The following ZFC3H1 variants were observed in gnomAD, a reference collection of about 807,000 sequenced individuals.
ZFC3H1 encodes the protein zinc finger C3H1 domain-containing protein.
In ZFC3H1, 71 loss-of-function variants were observed where a neutral mutation model predicts 243.7. The observed-to-expected ratio is 0.29, with a 90% CI of 0.24 to 0.36. The LOEUF is 0.36. ZFC3H1 is among the 10% of genes least tolerant of loss of function. The probability of loss-of-function intolerance (pLI) is 1.00; values close to 1 mark genes in which losing one functional copy is unlikely to be tolerated. For missense variants in ZFC3H1, 1,966 were observed against 2,317.1 expected (o/e 0.85, Z 3.11); for synonymous variants, 838 against 813.0 (o/e 1.03, Z -0.52).
intron 4 of ZFC3H1, 99 bp from the exon 5 acceptor site, chr12:71,644,417 T>C (rs2137548257): frequency 3.2e-6 from 4 of 1,250,634 alleles, no homozygotes; most frequent in African/African-American, 1.5e-5. Flanking sequence ...TCAGTGATGA[T>C]GCTCCTAAGT....
At position 71,663,502 on chromosome 12, in the gene ZFC3H1, G is replaced by A; in HGVS notation, c.109C>T (p.Arg37Trp). ...CTGCTGCTGCTGCTGCTCCGACTCC[G>A]TATCTGGCTGTTATTATCGTCGTCA... is the stretch of plus-strand genomic sequence containing the variant. ...ISDDDNNSQI[R>W]SRSSSSSSGG... The change falls in exon 1 of 35, where the codon CGG (arginine) becomes TGG (tryptophan). Residue 37 changes from arginine to tryptophan, a missense_variant. Physicochemically the swap from Arg to Trp is moderately radical, Grantham distance 101. This residue lies in a region of ZFC3H1 where 484 missense variants were observed against 449.7 expected (regional missense o/e 1.08). Transcript: ENST00000378743. 1.2e-6 allele frequency: 2 copies of A among 1,613,486 alleles called. No individual in the cohort carries two copies. The highest frequency in any genetic ancestry group is 1.7e-6 in the Non-Finnish European group (2 of 1,180,048).
At chr12:71,619,792 C>T in intron 26 of ZFC3H1, 134 bp downstream of exon 26, 3 of 757,666 alleles carry the variant, frequency 4.0e-6, no homozygotes, top group South Asian at 1.9e-5. Context: ...GTACTAAGTG[C>T]TATGGCAAAG....
chr12:71,656,739 A>G (rs1199190546), intron 2 of ZFC3H1, 146 bp downstream of exon 2: 1 of 817,696 alleles, frequency 1.2e-6, no homozygotes, highest in Non-Finnish European at 1.8e-6. Flanking sequence ...ATTAGTAATT[A>G]TTCAATGATA....
At chr12:71,657,365 CTTAGA>C (rs933467869) in intron 1 of ZFC3H1, 64 bp from the exon 2 acceptor site, 33 of 1,189,414 alleles carry the variant, frequency 2.8e-5, no homozygotes, top group Non-Finnish European at 3.3e-5. Context: ...AACAAAAAAA[CTTAGA>C]TTATAGATGA....
chr12:71,631,654 G>GT (rs1880326107), intron 16 of ZFC3H1, 124 bp downstream of exon 16: 1 of 802,336 alleles, frequency 1.2e-6, no homozygotes, highest in Non-Finnish European at 1.9e-6. Context: ...CCTTAAAAGG[G>GT]TAAGTCTGGT....
intron 21 of ZFC3H1, 73 bp from the exon 22 acceptor site, chr12:71,626,519 G>T: frequency 3.1e-6 from 4 of 1,285,626 alleles, no homozygotes; most frequent in South Asian, 1.9e-5. Context: ...CTAATCCAAT[G>T]AGTCAATTTT....
chr12:71,613,342 C>T lies in ZFC3H1; in HGVS notation c.5620G>A (p.Ala1874Thr). The T allele has an allele frequency of 6.2e-7, 1 of 1,608,150 alleles. No individual in the cohort carries two copies. Reference sequence around the variant, plus strand: ...ATGTTAAGTTTTTCTTACCTCAATGCAAGTCCAGAATTAGCTGGCATAACT... The same window carrying T: ...ATGTTAAGTTTTTCTTACCTCAATGTAAGTCCAGAATTAGCTGGCATAACT... The part of the protein sequence containing the change: ...CSVMPANSGL[A>T]LRLLQHEWEE... Residue 1874 changes from alanine (A) to threonine (T), a missense_variant, in exon 31 of 35, where the codon GCA (alanine) becomes ACA (threonine). Physicochemically the swap from Ala to Thr is moderately conservative, Grantham distance 58. Transcript: ENST00000378743.
chr12:71,657,494 TTTAG>T (rs1881050869), intron 1 of ZFC3H1, among the ~76,000 whole-genome samples, 193 bp from the exon 2 acceptor site: 1 of 152,238 alleles, frequency 6.6e-6, no homozygotes, highest in African/African-American at 2.4e-5. Flanking sequence ...CATATTTGAA[TTTAG>T]TAAGTACCAT....
rs553617137 is a variant in ZFC3H1, at chr12:71,661,160, G to A, written c.598+1853C>T. Among the ~76,000 whole-genome samples, 18 of 151,790 alleles carry A rather than the reference G, an allele frequency of 1.2e-4. No individual in the cohort carries two copies. In the South Asian group the frequency reaches 2.3e-3, roughly 19 times the overall value. ...CTACTAAAAATATAAAAAATTAGCC[G>A]GGCGTGGTGGCGGGCGCCTGTAGTC... On this transcript the variant is annotated intron_variant, in intron 1 of 34. Coordinates refer to ENST00000378743, the MANE Select transcript of ZFC3H1 (RefSeq NM_144982.5).
chr12:71,644,792 T>C, intron 4 of ZFC3H1, 85 bp downstream of exon 4: 1 of 1,476,722 alleles, frequency 6.8e-7, no homozygotes, highest in Non-Finnish European at 9.1e-7. Context: ...TACTCCAGCC[T>C]GGGCGACAAG....
chr12:71,642,664 G>A (rs1880628927), intron 5 of ZFC3H1, 105 bp from the exon 6 acceptor site: 1 of 1,350,398 alleles, frequency 7.4e-7, no homozygotes, highest in Non-Finnish European at 1.0e-6. Context: ...AAAAATCATG[G>A]TGATTCAGTT....
At chr12:71,641,071 A>G (rs1222836572) in intron 6 of ZFC3H1, among the ~76,000 whole-genome samples, 1 of 152,174 alleles carries the variant, frequency 6.6e-6, no homozygotes, top group Non-Finnish European at 1.5e-5. Flanking sequence ...AAAAATTAAA[A>G]TTTGACAAAG....
intron 1 of ZFC3H1, chr12:71,660,226 A>G (rs540260610): frequency 6.6e-6 from 1 of 152,360 alleles, no homozygotes; most frequent in South Asian, 2.1e-4. Context: ...AATTAAACTG[A>G]GTACAACCTT....
intron 1 of ZFC3H1, among the ~76,000 whole-genome samples, chr12:71,662,070 C>T (rs1237581570): frequency 2.0e-5 from 3 of 152,188 alleles, no homozygotes; most frequent in Admixed American, 6.5e-5. Context: ...TAATGAAAGT[C>T]TTTAAACAAT....
Position 71,630,596 on chromosome 12 carries a change from A to G in ZFC3H1, c.3724+4T>C. 7 of 1,598,042 alleles carry G rather than the reference A, an allele frequency of 4.4e-6. No individual in the cohort carries two copies. The highest frequency in any genetic ancestry group is 6.0e-6 in the Non-Finnish European group (7 of 1,175,782). ...TTGGGAGAGAATAGGAAGTCTTTAA[A>G]AACCTGCTGAAGCAGTAATTTCTTC... On this transcript the variant is annotated splice_donor_region_variant and intron_variant, in intron 18 of 34. Transcript: ENST00000378743.
intron 2 of ZFC3H1, among the ~76,000 whole-genome samples, chr12:71,650,145 G>A (rs1489052186): frequency 6.6e-6 from 1 of 151,582 alleles, no homozygotes; most frequent in Non-Finnish European, 1.5e-5. Flanking sequence ...CCGAGATCAC[G>A]CCACTGCACT....
At position 71,627,890 on chromosome 12, in the gene ZFC3H1, C is replaced by G; in HGVS notation, c.3991G>C (p.Val1331Leu). 6.2e-7 allele frequency: 1 copy of G among 1,613,270 alleles called. No individual in the cohort carries two copies. Among genetic ancestry groups the G allele is most frequent in the Non-Finnish European group, 8.5e-7 (1 of 1,179,754 alleles). ...NQINVPALDT[V>L]VTPDDVRYFT... ...TATCTGACATCATCTGGAGTGACAA[C>G]TGTATCCAGAGCTGGAACATTTATT... The change falls in exon 21 of 35, where the codon GTT (valine) becomes CTT (leucine). Residue 1331 changes from valine to leucine, a missense_variant. Physicochemically the swap from Val to Leu is conservative, Grantham distance 32. Around this residue, in one of 4 missense-constraint regions of ZFC3H1, gnomAD observed 1,383 missense variants for 1,723.7 expected, o/e 0.80. Transcript: ENST00000378743.
intron 1 of ZFC3H1, among the ~76,000 whole-genome samples, chr12:71,661,290 ACT>A (rs76146549): frequency 6.6e-6 from 1 of 151,718 alleles, no homozygotes; most frequent in Non-Finnish European, 1.5e-5. Flanking sequence ...ACAGAGCGAG[ACT>A]CTGTCTCAAA....
chr12:71,637,602 T>G (rs548045596), intron 7 of ZFC3H1, among the ~76,000 whole-genome samples: 9 of 152,284 alleles, frequency 5.9e-5, no homozygotes, highest in African/African-American at 2.2e-4. Context: ...ATCCCTAAAT[T>G]TGGATATGTA....
Sources: allele counts gnomAD v4.1 joint callset (sites outside exome capture counted in the v4.1 genomes callset), GRCh38; gene constraint gnomAD v4.1.1; regional missense constraint gnomAD v4.1.1; transcripts MANE v1.5; gene names NCBI Gene and HGNC (gene_info 2026-07-23, HGNC 2026-07-21).